The following CEP112 variants were observed in gnomAD, a reference collection of about 807,000 sequenced individuals.
CEP112 encodes centrosomal protein 112.
CEP112 carries 127 observed loss-of-function variants against 153.0 expected under a neutral mutation model. The ratio of observed to expected loss-of-function variants is 0.83; its 90% CI spans 0.72 to 0.96. The LOEUF (loss-of-function observed/expected upper bound fraction) is 0.96. Ranked by LOEUF, CEP112 falls within the 40% of genes least tolerant of loss-of-function variation. The pLI, the probability that CEP112 is intolerant of heterozygous loss-of-function variation, is 0.00. For missense variants in CEP112, 1,089 were observed against 1,101.2 expected, an observed-to-expected ratio of 0.99 and a Z score of 0.16; for synonymous variants, 358 against 374.4, an observed-to-expected ratio of 0.96 and a Z score of 0.51.
chr17:65,758,607 T>C (rs2052424194), intron 21 of CEP112, among the ~76,000 whole-genome samples: 1 of 152,174 alleles, frequency 6.6e-6, no homozygotes, highest in Non-Finnish European at 1.5e-5. Context: ...AGGAGATTTG[T>C]CTAAAATATT....
At chr17:66,179,549 T>C (rs1412313511) in intron 2 of CEP112, among the ~76,000 whole-genome samples, 2 of 152,096 alleles carry the variant, frequency 1.3e-5, no homozygotes, top group Non-Finnish European at 2.9e-5. Flanking sequence ...GTACCCTGCA[T>C]CTTTACTGAA....
intron 6 of CEP112, among the ~76,000 whole-genome samples, chr17:66,127,791 C>T (rs1163569494): frequency 6.6e-6 from 1 of 152,116 alleles, no homozygotes; most frequent in Non-Finnish European, 1.5e-5. Context: ...TTTCAAACTC[C>T]ACTATTTAAA....
chr17:65,787,018 T>C (rs1359510336), intron 21 of CEP112, among the ~76,000 whole-genome samples: 2 of 152,202 alleles, frequency 1.3e-5, no homozygotes, highest in Admixed American at 1.3e-4. Flanking sequence ...TCTATATATA[T>C]CAATATATGG....
intron 8 of CEP112, among the ~76,000 whole-genome samples, chr17:66,075,058 T>C (rs751010125): frequency 2.6e-5 from 4 of 151,662 alleles, no homozygotes; most frequent in Non-Finnish European, 5.9e-5. Flanking sequence ...CTAAAACAAA[T>C]AGTAAAAGGT....
intron 20 of CEP112, among the ~76,000 whole-genome samples, chr17:65,852,393 CCCTT>C (rs1348637566): frequency 2.5e-5 from 1 of 39,946 alleles, no homozygotes; most frequent in African/African-American, 1.1e-4. Flanking sequence ...TTCCCTCCCT[CCCTT>C]CCCTCTCCCT....
chr17:66,161,376 T>A (rs1291772166), intron 4 of CEP112, among the ~76,000 whole-genome samples: 1 of 152,174 alleles, frequency 6.6e-6, no homozygotes, highest in African/African-American at 2.4e-5. Flanking sequence ...TAAAGATACA[T>A]GCACACGTAT....
chr17:65,969,798 A>C (rs2062583072), intron 17 of CEP112, among the ~76,000 whole-genome samples: 2 of 151,790 alleles, frequency 1.3e-5, no homozygotes, highest in Admixed American at 6.6e-5. Flanking sequence ...ATGCATGCGC[A>C]TCACATGTAT....
At chr17:66,168,837 A>T (rs2072113344) in intron 4 of CEP112, among the ~76,000 whole-genome samples, 1 of 152,094 alleles carries the variant, frequency 6.6e-6, no homozygotes, top group Non-Finnish European at 1.5e-5. Context: ...TTTCTGTCCA[A>T]TAGGGAACAT....
rs113160613 is a variant in CEP112, at chr17:65,707,528, G to T, written c.2608-18310C>A. Reference sequence around the variant, plus strand: ...CTAAGCTCCTCACCATGCTTAGAAGGTCCTACAAGGTGTGGCTTCCACATG... The same window carrying T: ...CTAAGCTCCTCACCATGCTTAGAAGTTCCTACAAGGTGTGGCTTCCACATG... On this transcript the variant is annotated intron_variant, in intron 23 of 26. Coordinates refer to ENST00000535342, the MANE Select transcript of CEP112 (RefSeq NM_001199165.4). Among the ~76,000 whole-genome samples the T allele has an allele frequency of 1.8e-3, 271 of 152,244 alleles. 1 individual carries two copies. Among genetic ancestry groups the T allele is most frequent in the African/African-American group, 3.3e-3 (138 of 41,540 alleles).
In CEP112 at chr17:65,742,100, T is replaced by G. The variant is rs748393912; in HGVS notation, c.2607+968A>C. ...TAAGGCTTTTTATTCTATCTAGTGT[T>G]GTCTCAGCTTAAAGGGAATATATAA... On this transcript the variant is annotated intron_variant, in intron 23 of 26. Transcript: ENST00000535342. Among the ~76,000 whole-genome samples, 22 of 152,106 alleles carry G rather than the reference T, an allele frequency of 1.4e-4. 1 individual carries two copies. The highest frequency in any genetic ancestry group is 3.4e-3 in the Middle Eastern group (1 of 294).
At chr17:66,021,967 G>A (rs1275654031) in intron 16 of CEP112, among the ~76,000 whole-genome samples, 1 of 152,198 alleles carries the variant, frequency 6.6e-6, no homozygotes. Flanking sequence ...AGGTTGACCT[G>A]CAAACCCCAT....
intron 5 of CEP112, among the ~76,000 whole-genome samples, chr17:66,130,649 A>G (rs952397956): frequency 8.6e-5 from 13 of 151,914 alleles, no homozygotes; most frequent in South Asian, 6.2e-4. Context: ...GGTGGTGGGC[A>G]CCTGTAATCC....
At chr17:65,958,275 GT>G (rs2144724270) in intron 18 of CEP112, among the ~76,000 whole-genome samples, 1 of 152,122 alleles carries the variant, frequency 6.6e-6, no homozygotes, top group South Asian at 2.1e-4. Flanking sequence ...CTTTCCTATT[GT>G]TTTTGTAAGC....
At chr17:65,869,389 T>C (rs1194263733) in intron 20 of CEP112, among the ~76,000 whole-genome samples, 4 of 152,102 alleles carry the variant, frequency 2.6e-5, no homozygotes, top group Non-Finnish European at 5.9e-5. Flanking sequence ...TCGGTGAAAA[T>C]ATTTCCTCTG....
chr17:65,697,816 C>T (rs994527105), intron 23 of CEP112, among the ~76,000 whole-genome samples: 3 of 152,120 alleles, frequency 2.0e-5, no homozygotes, highest in African/African-American at 7.2e-5. Flanking sequence ...TTCAGACCTA[C>T]CCAGGATGAA....
At chr17:66,135,446 A>G (rs2070391531) in intron 4 of CEP112, among the ~76,000 whole-genome samples, 1 of 152,208 alleles carries the variant, frequency 6.6e-6, no homozygotes, top group South Asian at 2.1e-4. Context: ...AAGCCTTTTT[A>G]TGAATAACAA....
rs754756418 is a variant in CEP112 at position 66,029,298 on chromosome 17, A to G, written c.1374-46T>C. ...TAGACTTTCAATGTATTTAAAACCA[A>G]TCTCTAAAATGAAATTTTTTAATCA... On this transcript the variant is annotated intron_variant, in intron 13 of 26. Transcript: ENST00000535342. The G allele has an allele frequency of 5.9e-6, 9 of 1,534,330 alleles. No individual in the cohort carries two copies. In the East Asian group the frequency reaches 1.8e-4, roughly 31 times the overall value.
intron 21 of CEP112, among the ~76,000 whole-genome samples, chr17:65,756,719 G>T (rs188400214): frequency 1.3e-5 from 2 of 152,134 alleles, no homozygotes; most frequent in African/African-American, 2.4e-5. Context: ...CCCAAGAAGC[G>T]GGTGAATAGA....
At chr17:65,721,062 A>AC (rs2049854877) in intron 23 of CEP112, among the ~76,000 whole-genome samples, 1 of 135,054 alleles carries the variant, frequency 7.4e-6, no homozygotes, top group Admixed American at 8.5e-5. Flanking sequence ...TCCAGGATGG[A>AC]GTGCAGTGGC....
Sources: allele counts gnomAD v4.1 joint callset (sites outside exome capture counted in the v4.1 genomes callset), GRCh38; gene constraint gnomAD v4.1.1; transcripts MANE v1.5; gene names NCBI Gene and HGNC (gene_info 2026-07-23, HGNC 2026-07-21).